Variants in TMEM232 observed in about 807,000 individuals in gnomAD.
TMEM232 encodes transmembrane protein 232.
Under a neutral mutation model 78.8 loss-of-function variants are expected in TMEM232, and 80 were observed. The observed-to-expected ratio is 1.01, with a 90% CI of 0.85 to 1.22. The LOEUF (loss-of-function observed/expected upper bound fraction) is 1.22, where lower values mean the gene tolerates loss of function less well. TMEM232 is among the 50% of genes most tolerant of loss of function. TMEM232 has a pLI of 0.00. For synonymous variants in TMEM232, 297 were observed against 254.3 expected (o/e 1.17, Z -1.60); for missense variants, 881 against 742.2 (o/e 1.19, Z -2.17).
intron 2 of TMEM232, among the ~76,000 whole-genome samples, chr5:110,656,713 C>G (rs920413001): frequency 3.3e-5 from 5 of 151,756 alleles, no homozygotes; most frequent in African/African-American, 2.4e-5. Flanking sequence ...GGCAGGGCAC[C>G]GGTAGTCCCA....
chr5:110,607,784 A>G (rs764606331), intron 8 of TMEM232, among the ~76,000 whole-genome samples: 3 of 151,896 alleles, frequency 2.0e-5, no homozygotes, highest in African/African-American at 4.8e-5. Context: ...TTAAAATTAA[A>G]TAACAGGTGT....
intron 12 of TMEM232, among the ~76,000 whole-genome samples, chr5:110,460,481 A>C (rs747705858): frequency 1.3e-5 from 2 of 152,186 alleles, no homozygotes; most frequent in Non-Finnish European, 2.9e-5. Context: ...TATTTGCATT[A>C]AGATGCTAAA....
At chr5:110,612,466 C>T (rs2149862657) in intron 8 of TMEM232, among the ~76,000 whole-genome samples, 1 of 152,200 alleles carries the variant, frequency 6.6e-6, no homozygotes, top group East Asian at 1.9e-4. Flanking sequence ...TGAAGGAGTA[C>T]TGATGCAAAC....
At chr5:110,673,223 T>C (rs1174198249) in intron 1 of TMEM232, among the ~76,000 whole-genome samples, 1 of 151,196 alleles carries the variant, frequency 6.6e-6, no homozygotes, top group Non-Finnish European at 1.5e-5. Flanking sequence ...AAACACCGCA[T>C]GTTCTCACTC....
chr5:110,665,958 G>A (rs899904753), intron 2 of TMEM232, among the ~76,000 whole-genome samples: 17 of 151,536 alleles, frequency 1.1e-4, no homozygotes, highest in Admixed American at 1.1e-3. Flanking sequence ...GGTGCCAGCT[G>A]CTCAGGAGGC....
chr5:110,629,316 T>C (rs1260795431), intron 5 of TMEM232, among the ~76,000 whole-genome samples: 1 of 152,034 alleles, frequency 6.6e-6, no homozygotes, highest in Non-Finnish European at 1.5e-5. Context: ...ATGAATAACA[T>C]TTGTATTTAT....
intron 11 of TMEM232, among the ~76,000 whole-genome samples, chr5:110,530,253 T>A (rs1771244149): frequency 6.6e-6 from 1 of 152,118 alleles, no homozygotes; most frequent in African/African-American, 2.4e-5. Flanking sequence ...AAGGCAGGTA[T>A]GCAAATATGT....
At chr5:110,589,299 C>T (rs1160018702) in intron 10 of TMEM232, among the ~76,000 whole-genome samples, 1 of 151,960 alleles carries the variant, frequency 6.6e-6, no homozygotes, top group African/African-American at 2.4e-5. Context: ...TGACACAGAC[C>T]CCTGGACCCC....
intron 2 of TMEM232, among the ~76,000 whole-genome samples, chr5:110,654,343 G>A (rs1025630485): frequency 2.0e-5 from 3 of 152,142 alleles, no homozygotes; most frequent in African/African-American, 7.2e-5. Context: ...GTAAGGAAGG[G>A]ATCCAGTTTC....
intron 3 of TMEM232, among the ~76,000 whole-genome samples, chr5:110,641,982 T>C (rs1318655198): frequency 6.6e-6 from 1 of 152,138 alleles, no homozygotes; most frequent in Non-Finnish European, 1.5e-5. Context: ...ATTAACTTTT[T>C]TTAAAAAAAT....
chr5:110,728,877 TTA>T (rs1798409000), upstream of TMEM232, among the ~76,000 whole-genome samples: 1 of 151,134 alleles, frequency 6.6e-6, no homozygotes, highest in Non-Finnish European at 1.5e-5. Context: ...CCAGTCTTTT[TTA>T]TTTTATTTTA....
intron 1 of TMEM232, among the ~76,000 whole-genome samples, chr5:110,708,808 A>G (rs1796192724): frequency 6.6e-6 from 1 of 152,156 alleles, no homozygotes; most frequent in East Asian, 1.9e-4. Flanking sequence ...AAAAACAAAG[A>G]CAGGAAGAAA....
intron 12 of TMEM232, among the ~76,000 whole-genome samples, chr5:110,484,894 C>T (rs1183255713): frequency 6.6e-6 from 1 of 151,942 alleles, no homozygotes; most frequent in Non-Finnish European, 1.5e-5. Flanking sequence ...GACCTCAACA[C>T]CCTACTTTCA....
At chr5:110,518,698 C>T (rs966039132) in intron 12 of TMEM232, among the ~76,000 whole-genome samples, 2 of 152,132 alleles carry the variant, frequency 1.3e-5, no homozygotes, top group African/African-American at 4.8e-5. Context: ...AGCCTGCCCA[C>T]CAGGCTTGCT....
rs548013043 is a variant in TMEM232 at position 110,523,210 on chromosome 5, C to A, written c.1703+5378G>T. The stretch of plus-strand genomic sequence containing the variant: ...TTGGCATGTAATTGTTCATAGGTGT[C>A]TCTTATGATCCTTATATTTCTGTGG... On this transcript the variant is annotated intron_variant, in intron 12 of 13. Coordinates refer to ENST00000455884, the MANE Select transcript of TMEM232 (RefSeq NM_001039763.4). Among the ~76,000 whole-genome samples, 216 of 152,202 alleles carry A rather than the reference C, an allele frequency of 1.4e-3. 1 individual carries two copies. The highest frequency in any genetic ancestry group is 3.9e-3 in the African/African-American group (164 of 41,536).
chr5:110,681,401 C>T, intron 1 of TMEM232, among the ~76,000 whole-genome samples: 1 of 152,134 alleles, frequency 6.6e-6, no homozygotes, highest in Non-Finnish European at 1.5e-5. Context: ...CCTAATTATT[C>T]AATAAGCACT....
chr5:110,404,924 G>C (rs547313296), intron 2 of TMEM232, among the ~76,000 whole-genome samples: 16 of 152,150 alleles, frequency 1.1e-4, no homozygotes, highest in Middle Eastern at 3.4e-3. Flanking sequence ...GTGATGGCAG[G>C]AGATATTTGA....
chr5:110,649,450 A>C (rs1013787929), intron 2 of TMEM232, among the ~76,000 whole-genome samples: 1 of 152,164 alleles, frequency 6.6e-6, no homozygotes, highest in Non-Finnish European at 1.5e-5. Flanking sequence ...ACAACAAAAA[A>C]TATACAAGTG....
At chr5:110,566,425 T>C (rs1776348044) in intron 11 of TMEM232, among the ~76,000 whole-genome samples, 1 of 151,882 alleles carries the variant, frequency 6.6e-6, no homozygotes, top group African/African-American at 2.4e-5. Flanking sequence ...GCTGCAAATT[T>C]TTCAAACTTT....
Sources: gnomAD v4.1 joint callset for allele counts (sites outside exome capture counted in the v4.1 genomes callset) on GRCh38, gnomAD v4.1.1 for gene constraint, MANE v1.5 for transcripts, NCBI Gene and HGNC (gene_info 2026-07-23, HGNC 2026-07-21) for gene names.